DYNC1I2: variants seen among roughly 807,000 people sequenced by gnomAD.
DYNC1I2 encodes the protein dynein cytoplasmic 1 intermediate chain 2, also known as cytoplasmic dynein 1 intermediate chain 2.
In DYNC1I2, 53 loss-of-function variants were observed where a neutral mutation model predicts 88.6. That is an observed-to-expected ratio of 0.60 (90% CI 0.48 to 0.75). The LOEUF (loss-of-function observed/expected upper bound fraction) is 0.75. Among genes scored for constraint, DYNC1I2 ranks in the 30% least tolerant of loss-of-function variants. DYNC1I2 has a pLI of 0.00. For synonymous variants in DYNC1I2, 198 were observed against 254.6 expected, an observed-to-expected ratio of 0.78 and a Z score of 2.12; for missense variants, 458 against 766.6, an observed-to-expected ratio of 0.60 and a Z score of 4.75.
intron 7 of DYNC1I2, among the ~76,000 whole-genome samples, chr2:171,721,208 T>C (rs1687882210): frequency 6.6e-6 from 1 of 152,016 alleles, no homozygotes; most frequent in Admixed American, 6.5e-5. Flanking sequence ...ATTAGTCTTT[T>C]CTTATTTTCC....
intron 7 of DYNC1I2, among the ~76,000 whole-genome samples, chr2:171,723,491 G>A (rs1688032328): frequency 6.6e-6 from 1 of 152,094 alleles, no homozygotes; most frequent in African/African-American, 2.4e-5. Flanking sequence ...AAACTATTTT[G>A]TTACATTACA....
At chr2:171,735,899 T>C (rs1688971152) in intron 15 of DYNC1I2, among the ~76,000 whole-genome samples, 1 of 152,224 alleles carries the variant, frequency 6.6e-6, no homozygotes, top group South Asian at 2.1e-4. Context: ...GCACAAATTC[T>C]TATCAGAACC....
chr2:171,741,119 T>C (rs930351042), intron 15 of DYNC1I2, among the ~76,000 whole-genome samples: 2 of 152,328 alleles, frequency 1.3e-5, no homozygotes, highest in African/African-American at 4.8e-5. Context: ...TCCTTCATAT[T>C]GATACTTCTT....
At chr2:171,725,544 C>A in intron 7 of DYNC1I2, 74 bp from the exon 8 acceptor site, 1 of 970,496 alleles carries the variant, frequency 1.0e-6, no homozygotes, top group Non-Finnish European at 1.5e-6. Context: ...AAGTTACCAG[C>A]TATTTTCATT....
chr2:171,713,935 T>G (rs1379716303), intron 6 of DYNC1I2, among the ~76,000 whole-genome samples: 1 of 152,170 alleles, frequency 6.6e-6, no homozygotes, highest in Non-Finnish European at 1.5e-5. Context: ...ACCCACCTCC[T>G]CCTATAAAAT....
chr2:171,726,816 A>G lies in DYNC1I2; in HGVS notation c.896A>G (p.Tyr299Cys), dbSNP rs756806602. The G allele has an allele frequency of 2.5e-5, 41 of 1,613,066 alleles. No homozygotes were observed. Among genetic ancestry groups the G allele is most frequent in the Non-Finnish European group, 2.8e-5 (33 of 1,179,366 alleles). ...SQYPELLVASYNNNEDAPHEP... is the reference protein window; with the variant it reads ...SQYPELLVASCNNNEDAPHEP... ...TATCCGGAGTTACTCGTGGCTTCCTATAACAACAATGAAGATGCCCCTCAT... is the reference window on the plus strand; with the variant it reads ...TATCCGGAGTTACTCGTGGCTTCCTGTAACAACAATGAAGATGCCCCTCAT... The change falls in exon 11 of 18, where the codon TAT becomes TGT. Residue 299 changes from tyrosine to cysteine, a missense_variant. Tyr to Cys is a radical substitution (Grantham distance 194, BLOSUM62 -2). Transcript: ENST00000397119.
At chr2:171,713,249 C>A (rs543553974) in intron 6 of DYNC1I2, among the ~76,000 whole-genome samples, 1 of 151,948 alleles carries the variant, frequency 6.6e-6, no homozygotes, top group African/African-American at 2.4e-5. Flanking sequence ...TTCATTCATT[C>A]ATTACTATTT....
chr2:171,724,440 C>T (rs1688104635), intron 7 of DYNC1I2, among the ~76,000 whole-genome samples: 1 of 152,138 alleles, frequency 6.6e-6, no homozygotes, highest in African/African-American at 2.4e-5. Context: ...AGCAGTGAAG[C>T]GGAAGAATGT....
At position 171,691,766 on chromosome 2, in the gene DYNC1I2, TG is replaced by T. The variant is rs1437103605; in HGVS notation, c.109-1008del. ...TAATGATGGCCATAACTGGCAAAAA[TG>T]GGTTCTAAGGGATATCTATTGCATG... On this transcript the variant is annotated intron_variant, in intron 2 of 17. Transcript: ENST00000397119. Among the ~76,000 whole-genome samples the T allele has an allele frequency of 2.6e-5, 4 of 152,110 alleles. 1 individual carries two copies. The highest frequency in any genetic ancestry group is 7.2e-5 in the African/African-American group (3 of 41,424).
At chr2:171,717,842 A>G (rs909160493) in intron 7 of DYNC1I2, among the ~76,000 whole-genome samples, 2 of 152,298 alleles carry the variant, frequency 1.3e-5, no homozygotes, top group African/African-American at 4.8e-5. Context: ...TTTTAGTTAC[A>G]CTACCATACT....
chr2:171,729,285 TTCTG>T (rs759821638), intron 14 of DYNC1I2, among the ~76,000 whole-genome samples: 35 of 152,292 alleles, frequency 2.3e-4, no homozygotes, highest in South Asian at 4.1e-4. Flanking sequence ...TCTCCTTCCG[TTCTG>T]TCTGTTTTGA....
intron 15 of DYNC1I2, among the ~76,000 whole-genome samples, chr2:171,733,077 A>G (rs1158314459): frequency 6.6e-6 from 1 of 152,122 alleles, no homozygotes; most frequent in Non-Finnish European, 1.5e-5. Context: ...CCCATTTATA[A>G]GTGAGAACAT....
At chr2:171,738,581 C>T (rs1179575685) in intron 15 of DYNC1I2, among the ~76,000 whole-genome samples, 5 of 152,102 alleles carry the variant, frequency 3.3e-5, no homozygotes, top group Admixed American at 3.3e-4. Flanking sequence ...TTTTGATGGC[C>T]ATAAGCACTC....
chr2:171,714,207 T>C (rs1687324268), intron 6 of DYNC1I2, among the ~76,000 whole-genome samples: 1 of 152,104 alleles, frequency 6.6e-6, no homozygotes, highest in South Asian at 2.1e-4. Context: ...TTCCCTTTCT[T>C]TTTTATTTCT....
At chr2:171,724,140 G>A (rs968305398) in intron 7 of DYNC1I2, among the ~76,000 whole-genome samples, 1 of 152,150 alleles carries the variant, frequency 6.6e-6, no homozygotes, top group African/African-American at 2.4e-5. Flanking sequence ...AGTAATGTAG[G>A]ATTGGCATAC....
chr2:171,728,527 G>T, intron 13 of DYNC1I2, 109 bp downstream of exon 13: 1 of 805,214 alleles, frequency 1.2e-6, no homozygotes, highest in Non-Finnish European at 1.9e-6. Context: ...TGTTACAACA[G>T]CTTATAAGCT....
intron 17 of DYNC1I2, 43 bp from the exon 18 acceptor site, chr2:171,747,733 C>A (rs2105798718): frequency 1.5e-6 from 2 of 1,369,608 alleles, no homozygotes; most frequent in Non-Finnish European, 1.0e-6. Context: ...GTAAAATGAT[C>A]TTTTATTTCA....
intron 15 of DYNC1I2, among the ~76,000 whole-genome samples, chr2:171,742,653 A>G (rs1689526224): frequency 6.6e-6 from 1 of 152,068 alleles, no homozygotes; most frequent in South Asian, 2.1e-4. Flanking sequence ...GAGGGAGGGA[A>G]TGGGCAAGGA....
intron 7 of DYNC1I2, among the ~76,000 whole-genome samples, chr2:171,719,007 T>C (rs541398930): frequency 6.6e-6 from 1 of 152,344 alleles, no homozygotes; most frequent in Admixed American, 6.5e-5. Context: ...CTCATGTTTT[T>C]ATGAGTTGTT....
Sources: gnomAD v4.1 joint callset for allele counts (sites outside exome capture counted in the v4.1 genomes callset) on GRCh38, gnomAD v4.1.1 for gene constraint, MANE v1.5 for transcripts, NCBI Gene and HGNC (gene_info 2026-07-23, HGNC 2026-07-21) for gene names.